RGS6: variants seen among roughly 807,000 people sequenced by gnomAD.
RGS6 encodes the protein regulator of G protein signaling 6.
Under a neutral mutation model 78.5 loss-of-function variants are expected in RGS6, and 30 were observed. That is an observed-to-expected ratio of 0.38 (90% CI 0.29 to 0.52). The LOEUF (loss-of-function observed/expected upper bound fraction) is 0.52, where lower values mean the gene tolerates loss of function less well. RGS6 is among the 20% of genes least tolerant of loss of function. The pLI is 0.85. For synonymous variants in RGS6, 206 were observed against 206.0 expected, an observed-to-expected ratio of 1.00 and a Z score of 0.00; for missense variants, 495 against 609.7, an observed-to-expected ratio of 0.81 and a Z score of 1.98.
At chr14:72,226,133 A>G (rs189526657) in intron 2 of RGS6, among the ~76,000 whole-genome samples, 2 of 152,346 alleles carry the variant, frequency 1.3e-5, no homozygotes, top group South Asian at 2.1e-4. Context: ...ATCCAAATCT[A>G]TAGCCCATGT....
Position 72,473,214 on chromosome 14 carries a change from T to C in RGS6, c.618+261T>C, listed in dbSNP as rs188744873. 0.014 allele frequency among the ~76,000 whole-genome samples: 2,073 copies of C among 152,232 alleles called. 26 individuals carry two copies. Among genetic ancestry groups the C allele is most frequent in the Middle Eastern group, 0.038 (11 of 292 alleles). On this transcript the variant is annotated intron_variant, in intron 9 of 17. Transcript: ENST00000553525. ...ATCCCAGCGCTTTGGGAGGCCGAGG[T>C]GGGTGGATCACGAGGTCAGTCGATC...
At chr14:72,001,663 CA>C (rs1368658646) in intron 2 of RGS6, among the ~76,000 whole-genome samples, 7 of 152,056 alleles carry the variant, frequency 4.6e-5, no homozygotes, top group African/African-American at 1.7e-4. Flanking sequence ...TTCCATAATA[CA>C]ATCATCTGAG....
At chr14:72,403,180 G>C (rs2092622343) in intron 3 of RGS6, among the ~76,000 whole-genome samples, 1 of 152,094 alleles carries the variant, frequency 6.6e-6, no homozygotes, top group Non-Finnish European at 1.5e-5. Flanking sequence ...ATTCACAATC[G>C]CTAAGATATT....
At chr14:72,330,958 C>T (rs1439475783) in intron 2 of RGS6, among the ~76,000 whole-genome samples, 3 of 152,198 alleles carry the variant, frequency 2.0e-5, no homozygotes, top group Admixed American at 6.5e-5. Flanking sequence ...GAGGGGCCTC[C>T]TCTGATCCAG....
At chr14:72,560,797 CGTGTGTGTGTGTGTGTGTGTGT>C (rs57504072) in intron 17 of RGS6, among the ~76,000 whole-genome samples, 22 of 141,224 alleles carry the variant, frequency 1.6e-4, no homozygotes, top group Admixed American at 1.1e-3. Context: ...ATTTTGTGGA[CGTGTGTGTGTGTGTGTGTGTGT>C]GTGTGTGTGT....
intron 2 of RGS6, among the ~76,000 whole-genome samples, chr14:71,997,667 A>G (rs1038445504): frequency 1.3e-5 from 2 of 152,200 alleles, no homozygotes; most frequent in African/African-American, 2.4e-5. Context: ...GAAAATATCA[A>G]CATTTCGGGG....
At chr14:71,969,638 C>CT (rs1431016556) in intron 2 of RGS6, among the ~76,000 whole-genome samples, 1 of 152,150 alleles carries the variant, frequency 6.6e-6, no homozygotes, top group Non-Finnish European at 1.5e-5. Flanking sequence ...TTCCTCCTTC[C>CT]TTTTCAATTG....
intron 15 of RGS6, among the ~76,000 whole-genome samples, chr14:72,523,065 G>A (rs980098283): frequency 1.3e-5 from 2 of 152,232 alleles, no homozygotes; most frequent in Admixed American, 6.5e-5. Flanking sequence ...AGCACTGGCT[G>A]CCTGCCCCAG....
chr14:72,125,370 G>A (rs778287734), intron 2 of RGS6, among the ~76,000 whole-genome samples: 15 of 152,128 alleles, frequency 9.9e-5, no homozygotes, highest in Non-Finnish European at 1.8e-4. Flanking sequence ...GCGTGTACTG[G>A]TGAGTTGGCT....
chr14:72,141,505 C>T (rs1376156579), intron 2 of RGS6, among the ~76,000 whole-genome samples: 1 of 152,146 alleles, frequency 6.6e-6, no homozygotes, highest in Non-Finnish European at 1.5e-5. Flanking sequence ...TTGATTCTCT[C>T]CGGGTAATAT....
At chr14:71,869,697 C>T in the RGS6 span, among the ~76,000 whole-genome samples, 1 of 152,154 alleles carries the variant, frequency 6.6e-6, no homozygotes, top group African/African-American at 2.4e-5. Context: ...AACTTGATGG[C>T]ATATCAAAAC....
At chr14:72,008,430 G>A (rs1355887853) in intron 2 of RGS6, among the ~76,000 whole-genome samples, 3 of 152,188 alleles carry the variant, frequency 2.0e-5, no homozygotes, top group African/African-American at 7.2e-5. Flanking sequence ...GCCAAAGGGT[G>A]TCCTGTGTTA....
downstream of RGS6, among the ~76,000 whole-genome samples, chr14:72,569,111 G>GGTGTGTGTGT (rs35508602): frequency 2.9e-5 from 4 of 137,510 alleles, no homozygotes; most frequent in East Asian, 2.4e-4. Context: ...GATTCTCTGG[G>GGTGTGTGTGT]GTGTGTGTGT....
At chr14:72,587,207 G>T in the RGS6 span, among the ~76,000 whole-genome samples, 2 of 152,004 alleles carry the variant, frequency 1.3e-5, no homozygotes, top group Non-Finnish European at 2.9e-5. Context: ...TGCCTTCCTG[G>T]ACTTAAAGAC....
chr14:72,314,871 T>G (rs2069662692), intron 2 of RGS6, among the ~76,000 whole-genome samples: 1 of 152,226 alleles, frequency 6.6e-6, no homozygotes, highest in South Asian at 2.1e-4. Context: ...ATAGAAAATT[T>G]ATTCCTCACA....
rs183655724 is a variant in RGS6, at chr14:72,161,030, G to A, written c.85-191065G>A. Among the ~76,000 whole-genome samples, 47 of 152,292 alleles carry A rather than the reference G, an allele frequency of 3.1e-4. 1 individual carries two copies. The East Asian group carries it at 8.1e-3, about 26-fold the overall frequency. ...TGATAGACTGGATAAAGAAAATGTG[G>A]CACATATACACCATGGAATGCTATG... On this transcript the variant is annotated intron_variant, in intron 2 of 17. Coordinates refer to ENST00000553525, the MANE Select transcript of RGS6 (RefSeq NM_001204424.2).
At chr14:72,536,539 G>C (rs746975517) in intron 16 of RGS6, among the ~76,000 whole-genome samples, 1 of 152,058 alleles carries the variant, frequency 6.6e-6, no homozygotes, top group African/African-American at 2.4e-5. Flanking sequence ...GGGTGGGTAC[G>C]TAGGGTGACA....
chr14:72,470,079 G>C lies in RGS6; in HGVS notation c.532G>C (p.Val178Leu), dbSNP rs776819190. 9 of 1,610,154 alleles carry C rather than the reference G, an allele frequency of 5.6e-6. No individual in the cohort carries two copies. The highest frequency in any genetic ancestry group is 1.7e-5 in the Admixed American group (1 of 59,956). ...CATCTTTATGCAAGCAGAAGCACAA[G>C]TAAAGTAGGTGAACTTGATAGAGAC... ...EFIFMQAEAQ[V>L]KIDRKKDKTE... The change falls in exon 8 of 18, where the codon GTA (valine) becomes CTA (leucine). Residue 178 changes from valine to leucine, a missense_variant. Transcript: ENST00000553525.
intron 3 of RGS6, among the ~76,000 whole-genome samples, chr14:72,367,973 T>A (rs1458927270): frequency 6.6e-6 from 1 of 152,260 alleles, no homozygotes; most frequent in Non-Finnish European, 1.5e-5. Flanking sequence ...TTTCACTTTT[T>A]CTCACGATGT....
Sources: gnomAD v4.1 joint callset for allele counts (sites outside exome capture counted in the v4.1 genomes callset) on GRCh38, gnomAD v4.1.1 for gene constraint, MANE v1.5 for transcripts, NCBI Gene and HGNC (gene_info 2026-07-23, HGNC 2026-07-21) for gene names.